The following PKIB variants were observed in gnomAD, a reference collection of about 807,000 sequenced individuals.
PKIB encodes PKI-beta.
PKIB carries 2 observed loss-of-function variants against 4.5 expected under a neutral mutation model. That is an observed-to-expected ratio of 0.44 (90% CI 0.18 to 1.39). PKIB has a LOEUF of 1.39. PKIB is among the 40% of genes most tolerant of loss of function. PKIB has a pLI of 0.27. For synonymous variants in PKIB, 38 were observed against 36.0 expected, an observed-to-expected ratio of 1.06 and a Z score of -0.20; for missense variants, 94 against 92.6, an observed-to-expected ratio of 1.02 and a Z score of -0.06.
upstream of PKIB, among the ~76,000 whole-genome samples, chr6:122,607,799 G>T (rs556139033): frequency 2.6e-4 from 39 of 152,228 alleles, no homozygotes; most frequent in Non-Finnish European, 4.9e-4. Context: ...TGGGATCCTT[G>T]TAACTCCCCA....
chr6:122,719,817 C>A (rs1779661601), intron 4 of PKIB, among the ~76,000 whole-genome samples: 1 of 151,680 alleles, frequency 6.6e-6, no homozygotes. Context: ...TTAGCCACTC[C>A]ACAATGTATG....
At chr6:122,706,007 A>G (rs1288411280) in intron 3 of PKIB, among the ~76,000 whole-genome samples, 1 of 152,058 alleles carries the variant, frequency 6.6e-6, no homozygotes. Context: ...TCATTTTTCC[A>G]ACTCCACGTG....
At chr6:122,502,181 C>G (rs1776260403) in intron 2 of PKIB, among the ~76,000 whole-genome samples, 1 of 151,964 alleles carries the variant, frequency 6.6e-6, no homozygotes, top group Admixed American at 6.5e-5. Flanking sequence ...TAACAAGTCT[C>G]TAGGAAGTTC....
chr6:122,618,734 A>T (rs1434842568), intron 1 of PKIB, among the ~76,000 whole-genome samples: 1 of 152,198 alleles, frequency 6.6e-6, no homozygotes, highest in East Asian at 1.9e-4. Context: ...AAAGTTACCA[A>T]ATTCAGTTTT....
chr6:122,488,769 A>G (rs889438167), intron 2 of PKIB, among the ~76,000 whole-genome samples: 4 of 152,170 alleles, frequency 2.6e-5, no homozygotes, highest in African/African-American at 9.7e-5. Flanking sequence ...TCCTGGGATT[A>G]ATTGCTTCTA....
chr6:122,514,987 G>A (rs1776701167), intron 2 of PKIB, among the ~76,000 whole-genome samples: 1 of 152,268 alleles, frequency 6.6e-6, no homozygotes, highest in Non-Finnish European at 1.5e-5. Context: ...TACAGTTTGG[G>A]TGTGATTTTT....
At chr6:122,535,584 A>G (rs926659695) in intron 2 of PKIB, among the ~76,000 whole-genome samples, 2 of 152,154 alleles carry the variant, frequency 1.3e-5, no homozygotes, top group African/African-American at 4.8e-5. Context: ...TCCTCTTTTG[A>G]GGCTCTTCTC....
intron 3 of PKIB, among the ~76,000 whole-genome samples, chr6:122,679,909 G>T (rs1319687239): frequency 6.6e-6 from 1 of 152,174 alleles, no homozygotes; most frequent in Non-Finnish European, 1.5e-5. Context: ...CTTGTATAAG[G>T]TCCCTTAGAT....
intron 2 of PKIB, among the ~76,000 whole-genome samples, chr6:122,569,854 C>G (rs1773307105): frequency 6.6e-6 from 1 of 152,180 alleles, no homozygotes; most frequent in South Asian, 2.1e-4. Flanking sequence ...CAGATCTTTC[C>G]ACTAATGGGA....
At chr6:122,560,363 C>G (rs1338014472) in intron 2 of PKIB, among the ~76,000 whole-genome samples, 2 of 151,940 alleles carry the variant, frequency 1.3e-5, no homozygotes, top group African/African-American at 4.8e-5. Context: ...CTTGCATATG[C>G]TAAACCATCC....
intron 2 of PKIB, among the ~76,000 whole-genome samples, chr6:122,566,036 C>A (rs1013040432): frequency 6.6e-6 from 1 of 150,782 alleles, no homozygotes; most frequent in African/African-American, 2.5e-5. Flanking sequence ...GTTTACTACC[C>A]CCAATGGAAG....
At chr6:122,718,282 A>G (rs1302113933) in intron 4 of PKIB, among the ~76,000 whole-genome samples, 2 of 152,188 alleles carry the variant, frequency 1.3e-5, no homozygotes, top group African/African-American at 4.8e-5. Context: ...TTTCAAGTTT[A>G]TTAAGAAGTA....
chr6:122,624,746 A>C (rs1460704372), intron 1 of PKIB, among the ~76,000 whole-genome samples: 1 of 152,182 alleles, frequency 6.6e-6, no homozygotes, highest in Non-Finnish European at 1.5e-5. Flanking sequence ...TTTGAATCCC[A>C]GCTCTGGGAC....
chr6:122,545,575 C>T (rs1377546127), intron 2 of PKIB, among the ~76,000 whole-genome samples: 2 of 150,842 alleles, frequency 1.3e-5, no homozygotes, highest in Non-Finnish European at 2.9e-5. Flanking sequence ...GGTAGTTTTC[C>T]AGTCTTCATC....
At chr6:122,631,099 A>T (rs559246705) in intron 1 of PKIB, among the ~76,000 whole-genome samples, 4 of 152,314 alleles carry the variant, frequency 2.6e-5, no homozygotes, top group African/African-American at 9.6e-5. Context: ...AAACAGAACA[A>T]ACAAACATCC....
At chr6:122,479,328 G>A (rs1453601472) in intron 2 of PKIB, 2 of 152,104 alleles carry the variant, frequency 1.3e-5, no homozygotes, top group Non-Finnish European at 2.9e-5. Context: ...CCTGCCCTGA[G>A]AAAGGTACTT....
At chr6:122,646,991 T>C (rs1776346005) in intron 2 of PKIB, among the ~76,000 whole-genome samples, 1 of 152,156 alleles carries the variant, frequency 6.6e-6, no homozygotes, top group Non-Finnish European at 1.5e-5. Flanking sequence ...TTTCCACTTT[T>C]ACATGCCCTC....
intron 2 of PKIB, among the ~76,000 whole-genome samples, chr6:122,574,810 C>T (rs1219267704): frequency 1.3e-5 from 2 of 152,062 alleles, no homozygotes; most frequent in Non-Finnish European, 2.9e-5. Context: ...AAGATAACAT[C>T]AGAAAACTCT....
rs900824457 is a variant in PKIB, at chr6:122,636,102, T to C, written c.-76+2735T>C. ...TAGGAGATATGGACTACTATCATTCTATTTTACAAATTAGGAAGCTGAGGC... is the reference window on the plus strand; with the variant it reads ...TAGGAGATATGGACTACTATCATTCCATTTTACAAATTAGGAAGCTGAGGC... On this transcript the variant is annotated intron_variant, in intron 2 of 4. Coordinates refer to ENST00000368452, the MANE Select transcript of PKIB (RefSeq NM_181795.3). Among the ~76,000 whole-genome samples the C allele has an allele frequency of 6.6e-5, 10 of 152,298 alleles. No homozygotes were observed. The East Asian group carries it at 1.5e-3, about 23-fold the overall frequency.
Sources: gnomAD v4.1 joint callset for allele counts (sites outside exome capture counted in the v4.1 genomes callset) on GRCh38, gnomAD v4.1.1 for gene constraint, MANE v1.5 for transcripts, NCBI Gene and HGNC (gene_info 2026-07-23, HGNC 2026-07-21) for gene names.